Variants in DYNC1H1 observed in about 807,000 individuals in gnomAD.
DYNC1H1 encodes the protein cytoplasmic dynein 1 heavy chain 1.
In DYNC1H1, 51 loss-of-function variants were observed where a neutral mutation model predicts 527.1. The ratio of observed to expected loss-of-function variants is 0.10; its 90% CI spans 0.08 to 0.12. DYNC1H1 has a LOEUF of 0.12. Among genes scored for constraint, DYNC1H1 ranks in the 10% least tolerant of loss-of-function variants. The pLI is 1.00. For synonymous variants in DYNC1H1, 2,189 were observed against 2,278.8 expected (o/e 0.96, Z 1.12); for missense variants, 2,771 against 5,971.8 (o/e 0.46, Z 17.66).
chr14:102,040,875 C>T (rs2048641132), intron 64 of DYNC1H1: 1 of 647,606 alleles, frequency 1.5e-6, no homozygotes, highest in Non-Finnish European at 2.7e-6. Flanking sequence ...AGGAAGGTCA[C>T]TTGAGCCTGG....
At chr14:101,976,305 G>A (rs2047800005) in intron 2 of DYNC1H1, among the ~76,000 whole-genome samples, 1 of 151,638 alleles carries the variant, frequency 6.6e-6, no homozygotes, top group South Asian at 2.1e-4. Context: ...CACTTTGGGA[G>A]GCTGAGGTGG....
chr14:102,031,761 C>G (rs915800781), intron 51 of DYNC1H1, among the ~76,000 whole-genome samples: 1 of 152,098 alleles, frequency 6.6e-6, no homozygotes, highest in African/African-American at 2.4e-5. Flanking sequence ...TCAAGACCAG[C>G]CTGACCAACA....
rs1371909053 is a variant in DYNC1H1 at position 102,049,593 on chromosome 14, TC to T, written c.13515+13del. The T allele has an allele frequency of 2.5e-6, 4 of 1,613,330 alleles. No individual in the cohort carries two copies. The highest frequency in any genetic ancestry group is 2.5e-6 in the Non-Finnish European group (3 of 1,179,928). Reference sequence around the variant, plus strand: ...GCCAAGGAGCTAAAGGTGAAGGCGCTCCTGACGAGTCTCGGGTGGTCAGCAG... The same window carrying T: ...GCCAAGGAGCTAAAGGTGAAGGCGCTCTGACGAGTCTCGGGTGGTCAGCAG... On this transcript the variant is annotated intron_variant, in intron 75 of 77. Coordinates refer to ENST00000360184, the MANE Select transcript of DYNC1H1 (RefSeq NM_001376.5). This position sits in a 1 kb window ranked among gnomAD's most constrained non-coding sequence, Gnocchi z 5.5.
chr14:102,026,163 A>G (rs1396437029), intron 43 of DYNC1H1, among the ~76,000 whole-genome samples: 2 of 151,512 alleles, frequency 1.3e-5, no homozygotes, highest in Non-Finnish European at 2.9e-5. Flanking sequence ...TTCTGGAGGG[A>G]TCTTTCCTGT....
In DYNC1H1 at chr14:102,042,982, T is replaced by C; in HGVS notation, c.12513+234T>C. 1.8e-6 allele frequency: 1 copy of C among 563,498 alleles called. No individual in the cohort carries two copies. The highest frequency in any genetic ancestry group is 3.2e-6 in the Non-Finnish European group (1 of 308,138). 34.9% of individuals were successfully genotyped at this position (563,498 alleles called of 1,614,324 possible). A position where few individuals can be genotyped will look rare whatever the true frequency, so the allele number is the denominator to read the frequency against. On this transcript the variant is annotated intron_variant, in intron 69 of 77. Transcript: ENST00000360184. The surrounding 1 kb of genome is among the most constrained non-coding windows in gnomAD (Gnocchi z 5.7). The stretch of plus-strand genomic sequence containing the variant: ...TGGGAGGATCACTTGAGCCCAGGAG[T>C]TCAAGACTGTCTGGGCAGGCCAGGA...
rs1295159663 is a variant in DYNC1H1, at chr14:102,040,204, A to G, written c.11691-32A>G. 4 of 1,613,582 alleles carry G rather than the reference A, an allele frequency of 2.5e-6. No homozygotes were observed. In the African/African-American group the frequency reaches 5.3e-5, roughly 22 times the overall value. On this transcript the variant is annotated intron_variant, in intron 62 of 77. Transcript: ENST00000360184. ...TAGTGACAGTGGGAGTGAACGTGAG[A>G]GACCCTAGCTAACCTGTTGCACCCT...
In DYNC1H1 at chr14:101,987,516, A is replaced by G. The variant is rs771428113; in HGVS notation, c.2602A>G (p.Met868Val). ...AGAAGTCCGTTCCTTGGAAACTTGT[A>G]TGTATGACCATAAGACATTCTCGGA... ...DLEVRSLETC[M>V]YDHKTFSEIL... The change falls in exon 9 of 78, where the codon ATG (methionine) becomes GTG (valine). Residue 868 changes from methionine (M) to valine (V), a missense_variant. Transcript: ENST00000360184. 1.9e-6 allele frequency: 3 copies of G among 1,614,226 alleles called. No homozygotes were observed. The highest frequency in any genetic ancestry group is 2.5e-6 in the Non-Finnish European group (3 of 1,180,044).
At chr14:102,030,986 GA>G (rs1024885215) in intron 51 of DYNC1H1, among the ~76,000 whole-genome samples, 2 of 151,364 alleles carry the variant, frequency 1.3e-5, no homozygotes, top group African/African-American at 2.4e-5. Flanking sequence ...GAAAACAAAA[GA>G]AAAAAAAGAG....
chr14:101,986,340 G>A lies in DYNC1H1; in HGVS notation c.2115G>A (p.Lys705=), dbSNP rs1555408353. Reference sequence around the variant, plus strand: ...AGATCTTTGATGACTGGGCAAGGAAGGTGCAGCAGCGCAACCTCGGTGTCT... The same window carrying A: ...AGATCTTTGATGACTGGGCAAGGAAAGTGCAGCAGCGCAACCTCGGTGTCT... ...TQEIFDDWAR[K]VQQRNLGVSG... Residue 705 remains lysine (K), a synonymous_variant, in exon 8 of 78, where the codon AAG becomes AAA. Coordinates refer to ENST00000360184, the MANE Select transcript of DYNC1H1 (RefSeq NM_001376.5). The surrounding 1 kb of genome is among the most constrained non-coding windows in gnomAD (Gnocchi z 8.7). The A allele has an allele frequency of 1.2e-6, 2 of 1,614,092 alleles. No individual in the cohort carries two copies. The highest frequency in any genetic ancestry group is 1.7e-6 in the Non-Finnish European group (2 of 1,180,016).
At chr14:101,982,608 A>G (rs1403297996) in intron 5 of DYNC1H1, among the ~76,000 whole-genome samples, 1 of 152,088 alleles carries the variant, frequency 6.6e-6, no homozygotes, top group African/African-American at 2.4e-5. Context: ...ATAAAATAAT[A>G]GAAATAAAGT....
At position 102,010,486 on chromosome 14, in the gene DYNC1H1, A is replaced by G. The variant is rs2048245576; in HGVS notation, c.6405+27A>G. On this transcript the variant is annotated intron_variant, in intron 31 of 77. Transcript: ENST00000360184. This position sits in a 1 kb window ranked among gnomAD's most constrained non-coding sequence, Gnocchi z 6.0. ...TTCGTTACAAACGTTTTGATCACTC[A>G]AACCTTATACGTTATTTAAATTTAC... The G allele has an allele frequency of 1.2e-6, 2 of 1,612,460 alleles. No individual in the cohort carries two copies. Among genetic ancestry groups the G allele is most frequent in the African/African-American group, 1.3e-5 (1 of 74,836 alleles).
chr14:102,041,962 G>A lies in DYNC1H1; in HGVS notation c.12103-51G>A. 6.3e-7 allele frequency: 1 copy of A among 1,592,470 alleles called. No individual in the cohort carries two copies. Among genetic ancestry groups the A allele is most frequent in the Non-Finnish European group, 8.6e-7 (1 of 1,161,090 alleles). On this transcript the variant is annotated intron_variant, in intron 65 of 77. Transcript: ENST00000360184. This position sits in a 1 kb window ranked among gnomAD's most constrained non-coding sequence, Gnocchi z 4.5. Reference sequence around the variant, plus strand: ...TCGGGGCTCTCCTTTCCCTTGACAGGTACACACTATTTGCTGGCACTGTAA... The same window carrying A: ...TCGGGGCTCTCCTTTCCCTTGACAGATACACACTATTTGCTGGCACTGTAA...
At chr14:102,006,466 C>T (rs1188668636) in intron 27 of DYNC1H1, among the ~76,000 whole-genome samples, 1 of 152,194 alleles carries the variant, frequency 6.6e-6, no homozygotes, top group Non-Finnish European at 1.5e-5. Flanking sequence ...AACTCCTGAC[C>T]TGGTGACCCC....
intron 51 of DYNC1H1, among the ~76,000 whole-genome samples, 189 bp from the exon 52 acceptor site, chr14:102,032,083 A>C (rs1049867502): frequency 6.6e-6 from 1 of 152,224 alleles, no homozygotes; most frequent in Admixed American, 6.5e-5. Flanking sequence ...ATCATTTAAG[A>C]GATCAGCTAC....
chr14:102,008,695 G>A (rs1035962928), intron 29 of DYNC1H1, among the ~76,000 whole-genome samples: 2 of 152,154 alleles, frequency 1.3e-5, no homozygotes, highest in East Asian at 1.9e-4. Flanking sequence ...GCTGAGGCAG[G>A]GAGAGTCCCT....
At position 102,052,350 on chromosome 14, in the gene DYNC1H1, C is replaced by G. The variant is rs2048823380; in HGVS notation, c.*1787C>G. On this transcript the variant is annotated 3_prime_UTR_variant, in exon 78 of 78. Coordinates refer to ENST00000360184, the MANE Select transcript of DYNC1H1 (RefSeq NM_001376.5). ...GTTTCACCATGTTGCTCGGGCTGGT[C>G]TCGAACTCCTGAGCTCAAGTGGTCC... 6.6e-6 allele frequency: 1 copy of G among 152,390 alleles called. No homozygotes were observed. The highest frequency in any genetic ancestry group is 2.1e-4 in the South Asian group (1 of 4,836). 9.4% of individuals were successfully genotyped at this position (152,390 alleles called of 1,614,324 possible).
At chr14:101,994,406 C>A in intron 12 of DYNC1H1, 82 bp downstream of exon 12, 1 of 1,595,180 alleles carries the variant, frequency 6.3e-7, no homozygotes, top group Non-Finnish European at 8.6e-7. Flanking sequence ...GAACATGGAG[C>A]TAAAAGGTCT....
intron 56 of DYNC1H1, chr14:102,035,632 C>T (rs926483173): frequency 6.6e-6 from 1 of 152,216 alleles, no homozygotes; most frequent in Admixed American, 6.5e-5. Flanking sequence ...TGAGGGCCCA[C>T]CACGCCGTGG....
At chr14:101,974,829 G>A (rs2047781497) in intron 1 of DYNC1H1, among the ~76,000 whole-genome samples, 1 of 152,198 alleles carries the variant, frequency 6.6e-6, no homozygotes, top group South Asian at 2.1e-4. Context: ...CACCAGCCCG[G>A]CCTCCGTAAG....
Sources: gnomAD v4.1 joint callset for allele counts (sites outside exome capture counted in the v4.1 genomes callset) on GRCh38, gnomAD v4.1.1 for gene constraint, Gnocchi (gnomAD v3.1) non-coding constraint, MANE v1.5 for transcripts, NCBI Gene and HGNC (gene_info 2026-07-23, HGNC 2026-07-21) for gene names.